IFFO2: variants seen among roughly 807,000 people sequenced by gnomAD.
The protein encoded by IFFO2 is intermediate filament family orphan 2.
Under a neutral mutation model 53.5 loss-of-function variants are expected in IFFO2, and 19 were observed. That is an observed-to-expected ratio of 0.36 (90% CI 0.25 to 0.52). The LOEUF is 0.52. Ranked by LOEUF, IFFO2 falls within the 20% of genes least tolerant of loss-of-function variation. The pLI is 0.94. For synonymous variants in IFFO2, 303 were observed against 313.6 expected, an observed-to-expected ratio of 0.97 and a Z score of 0.36; for missense variants, 570 against 727.4, an observed-to-expected ratio of 0.78 and a Z score of 2.49.
At chr1:18,952,956 C>T (rs985022886) in intron 1 of IFFO2, among the ~76,000 whole-genome samples, 1 of 152,188 alleles carries the variant, frequency 6.6e-6, no homozygotes, top group Non-Finnish European at 1.5e-5. Context: ...AACAAGCGTC[C>T]GGCTTGAAGA....
At chr1:18,950,192 C>G (rs1004656279) in intron 1 of IFFO2, among the ~76,000 whole-genome samples, 8 of 152,166 alleles carry the variant, frequency 5.3e-5, no homozygotes, top group African/African-American at 1.9e-4. Flanking sequence ...TTCTTAGATG[C>G]CGGACAAAGA....
At chr1:18,952,953 G>A (rs999929337) in intron 1 of IFFO2, among the ~76,000 whole-genome samples, 3 of 152,242 alleles carry the variant, frequency 2.0e-5, no homozygotes, top group East Asian at 3.8e-4. Context: ...CTCAACAAGC[G>A]TCCGGCTTGA....
rs1165038189 is a variant in IFFO2, at chr1:18,936,503, G to A, written c.666-15382C>T. Among the ~76,000 whole-genome samples, 1 of 152,252 alleles carries A rather than the reference G, an allele frequency of 6.6e-6. No individual in the cohort carries two copies. The highest frequency in any genetic ancestry group is 1.5e-5 in the Non-Finnish European group (1 of 68,036). On this transcript the variant is annotated intron_variant, in intron 1 of 8. Coordinates refer to ENST00000455833, the MANE Select transcript of IFFO2 (RefSeq NM_001136265.2). The surrounding 1 kb of genome is among the most constrained non-coding windows in gnomAD (Gnocchi z 4.5). Reference sequence around the variant, plus strand: ...CTCAGGTCAAGAGGCAGGAGGCCCAGGGGGTCTGTGCCCAGGAGAGTGTGG... The same window carrying A: ...CTCAGGTCAAGAGGCAGGAGGCCCAAGGGGTCTGTGCCCAGGAGAGTGTGG...
chr1:18,944,735 C>T (rs760467983), intron 1 of IFFO2, among the ~76,000 whole-genome samples: 15 of 152,144 alleles, frequency 9.9e-5, no homozygotes, highest in Non-Finnish European at 1.6e-4. Flanking sequence ...CTCACAAGGC[C>T]CCAGCAGTAA....
intron 8 of IFFO2, among the ~76,000 whole-genome samples, chr1:18,910,119 G>A (rs1936012103): frequency 6.6e-6 from 1 of 152,204 alleles, no homozygotes; most frequent in Non-Finnish European, 1.5e-5. Context: ...ACAAAGGGCA[G>A]GGTGGTGGTG....
intron 1 of IFFO2, among the ~76,000 whole-genome samples, chr1:18,921,541 C>A (rs994880201): frequency 1.4e-4 from 21 of 152,220 alleles, no homozygotes; most frequent in African/African-American, 5.1e-4. Context: ...TTTGCACCCA[C>A]AAGAAACAAA....
intron 1 of IFFO2, 22 bp downstream of exon 1, chr1:18,955,646 C>T (rs563519284): frequency 1.8e-4 from 281 of 1,543,970 alleles, no homozygotes; most frequent in Non-Finnish European, 2.4e-4. Flanking sequence ...CCCAGGGCGG[C>T]GGGGGAGGGG....
In IFFO2 at chr1:18,916,039, C is replaced by T. The variant is rs1936128645; in HGVS notation, c.1103+864G>A. Among the ~76,000 whole-genome samples the T allele has an allele frequency of 1.3e-5, 2 of 151,974 alleles. No homozygotes were observed. Among genetic ancestry groups the T allele is most frequent in the African/African-American group, 4.8e-5 (2 of 41,390 alleles). On this transcript the variant is annotated intron_variant, in intron 5 of 8. Coordinates refer to ENST00000455833, the MANE Select transcript of IFFO2 (RefSeq NM_001136265.2). The surrounding 1 kb of genome is among the most constrained non-coding windows in gnomAD (Gnocchi z 4.3). ...ACTTGGGAGGCTGAGGCAGGAGAAA[C>T]ACTGGAACCCGGGAGGCAGAGGTTG... is the stretch of plus-strand genomic sequence containing the variant.
chr1:18,924,842 G>A (rs1936260040), intron 1 of IFFO2, among the ~76,000 whole-genome samples: 1 of 152,204 alleles, frequency 6.6e-6, no homozygotes, highest in African/African-American at 2.4e-5. Flanking sequence ...GCCACTGGCA[G>A]AAAATGAGGT....
rs1014971606 is a variant in IFFO2 at position 18,910,254 on chromosome 1, G to A, written c.1448+88C>T. The A allele has an allele frequency of 3.5e-6, 5 of 1,426,582 alleles. No homozygotes were observed. In the African/African-American group the frequency reaches 7.1e-5, roughly 20 times the overall value. The allele number at this position is 1,426,582 out of a possible 1,614,324, so 88.4% of individuals were successfully genotyped here. On this transcript the variant is annotated intron_variant, in intron 8 of 8. Transcript: ENST00000455833. ...AGATGGACGGACAGAGAGACAGGTTGGGAGCATGACACATGGCCGAGTTGC... is the reference window on the plus strand; with the variant it reads ...AGATGGACGGACAGAGAGACAGGTTAGGAGCATGACACATGGCCGAGTTGC...
At chr1:18,923,177 A>AGCAAAGAAGGGC (rs1553157808) in intron 1 of IFFO2, among the ~76,000 whole-genome samples, 1 of 152,228 alleles carries the variant, frequency 6.6e-6, no homozygotes, top group Admixed American at 6.5e-5. Context: ...GAGCAGGAGT[A>AGCAAAGAAGGGC]GCAAAGAAGG....
At chr1:18,944,888 G>A (rs973201045) in intron 1 of IFFO2, among the ~76,000 whole-genome samples, 1 of 152,102 alleles carries the variant, frequency 6.6e-6, no homozygotes, top group African/African-American at 2.4e-5. Flanking sequence ...AGAGGGAGAG[G>A]AAAGGAGAGC....
chr1:18,942,822 T>C (rs1164557367), intron 1 of IFFO2, among the ~76,000 whole-genome samples: 1 of 151,028 alleles, frequency 6.6e-6, no homozygotes, highest in Non-Finnish European at 1.5e-5. Context: ...AGTCCTGATG[T>C]TTTATTTTAT....
intron 1 of IFFO2, among the ~76,000 whole-genome samples, chr1:18,926,051 G>T (rs1557643321): frequency 3.2e-4 from 19 of 58,742 alleles, no homozygotes; most frequent in Non-Finnish European, 4.6e-4. Flanking sequence ...ATGGATGGAT[G>T]GATTGGTTGG....
chr1:18,924,656 C>T (rs939040920), intron 1 of IFFO2, among the ~76,000 whole-genome samples: 22 of 152,194 alleles, frequency 1.4e-4, no homozygotes, highest in Non-Finnish European at 3.1e-4. Flanking sequence ...CAGAATCCTA[C>T]GCCCGGGCCC....
chr1:18,913,832 TTTG>T (rs1388884148), intron 5 of IFFO2, among the ~76,000 whole-genome samples: 38 of 147,752 alleles, frequency 2.6e-4, no homozygotes, highest in East Asian at 4.6e-4. Context: ...TGTTTTTTTG[TTTG>T]TTTGTTTGTT....
rs767247444 is a variant in IFFO2 at position 18,955,649 on chromosome 1, G to A, written c.665+19C>T. The stretch of plus-strand genomic sequence containing the variant: ...TGGGCGCCCCGTCCCAGGGCGGCGG[G>A]GGAGGGGCGGCCACTCACCTCCGCT... On this transcript the variant is annotated intron_variant, in intron 1 of 8. Transcript: ENST00000455833. 4 of 1,550,190 alleles carry A rather than the reference G, an allele frequency of 2.6e-6. No individual in the cohort carries two copies. Among genetic ancestry groups the A allele is most frequent in the African/African-American group, 1.4e-5 (1 of 71,494 alleles).
Position 18,910,329 on chromosome 1 carries a change from G to A in IFFO2, c.1448+13C>T, listed in dbSNP as rs1936016194. 1 of 1,595,952 alleles carries A rather than the reference G, an allele frequency of 6.3e-7. No individual in the cohort carries two copies. Among genetic ancestry groups the A allele is most frequent in the South Asian group, 1.1e-5 (1 of 88,382 alleles). ...ATGCCATAGCTGAATCCCCTGGGAGGATGGGCGGGTACCTGTCTGCGGAGC... is the reference window on the plus strand; with the variant it reads ...ATGCCATAGCTGAATCCCCTGGGAGAATGGGCGGGTACCTGTCTGCGGAGC... On this transcript the variant is annotated intron_variant, in intron 8 of 8. Transcript: ENST00000455833.
At chr1:18,933,062 T>C (rs1348735553) in intron 1 of IFFO2, among the ~76,000 whole-genome samples, 1 of 152,222 alleles carries the variant, frequency 6.6e-6, no homozygotes, top group African/African-American at 2.4e-5. Context: ...ATTTCCCAAG[T>C]GCTCACCCAG....
Sources: allele counts gnomAD v4.1 joint callset (sites outside exome capture counted in the v4.1 genomes callset), GRCh38; gene constraint gnomAD v4.1.1; non-coding constraint Gnocchi (gnomAD v3.1); transcripts MANE v1.5; gene names NCBI Gene and HGNC (gene_info 2026-07-23, HGNC 2026-07-21).